Variants in GFI1 observed in about 807,000 individuals in gnomAD.
GFI1 encodes the protein zinc finger protein Gfi-1.
In GFI1, 15 loss-of-function variants were observed where a neutral mutation model predicts 39.2. The observed-to-expected ratio is 0.38, with a 90% CI of 0.26 to 0.59. GFI1 has a LOEUF of 0.59. Among genes scored for constraint, GFI1 ranks in the 20% least tolerant of loss-of-function variants. The probability of loss-of-function intolerance (pLI) is 0.62; values close to 1 mark genes in which losing one functional copy is unlikely to be tolerated. For missense variants in GFI1, 475 were observed against 574.0 expected (o/e 0.83, Z 1.76); for synonymous variants, 239 against 254.3 (o/e 0.94, Z 0.57).
intron 5 of GFI1, 126 bp from the exon 6 acceptor site, chr1:92,478,879 C>CT (rs1557667946): frequency 7.7e-7 from 1 of 1,305,402 alleles, no homozygotes; most frequent in Non-Finnish European, 1.1e-6. Context: ...CTTTTTCTTT[C>CT]TTTTTTTGAG....
chr1:92,476,342 C>T (rs940846033), intron 6 of GFI1, 135 bp from the exon 7 acceptor site: 15 of 783,070 alleles, frequency 1.9e-5, no homozygotes, highest in African/African-American at 1.2e-4. Flanking sequence ...TGGAGGGTGA[C>T]GTGTTGCAAC....
rs41296173 is a variant in GFI1 at position 92,475,319 on chromosome 1, C to T, written c.*710G>A. 3 of 152,734 alleles carry T rather than the reference C, an allele frequency of 2.0e-5. No homozygotes were observed. The highest frequency in any genetic ancestry group is 4.4e-5 in the Non-Finnish European group (3 of 68,394). 9.5% of individuals were successfully genotyped at this position (152,734 alleles called of 1,614,324 possible). On this transcript the variant is annotated 3_prime_UTR_variant, in exon 7 of 7. Transcript: ENST00000294702. Reference sequence around the variant, plus strand: ...CTTTTACCTCCAGTGATGAGGTTTTCACAGCCCTACTGAAGGGAGGACCTC... The same window carrying T: ...CTTTTACCTCCAGTGATGAGGTTTTTACAGCCCTACTGAAGGGAGGACCTC...
chr1:92,486,082 C>G (rs1003237787), intron 1 of GFI1: 9 of 152,076 alleles, frequency 5.9e-5, no homozygotes, highest in Non-Finnish European at 1.0e-4. Context: ...CGGGAGAGAC[C>G]GCTCTATCTC....
At position 92,475,590 on chromosome 1, in the gene GFI1, T is replaced by C. The variant is rs1249231015; in HGVS notation, c.*439A>G. On this transcript the variant is annotated 3_prime_UTR_variant, in exon 7 of 7. Transcript: ENST00000294702. ...CTTTCTAGATAAAAATATTAGCATT[T>C]GTCCACCTTGTAAATGGTGATTCCT... 4.8e-6 allele frequency: 1 copy of C among 209,686 alleles called. No homozygotes were observed. Among genetic ancestry groups the C allele is most frequent in the Non-Finnish European group, 9.8e-6 (1 of 101,630 alleles). The allele number at this position is 209,686 out of a possible 1,614,324, so 13.0% of individuals were successfully genotyped here.
Position 92,481,852 on chromosome 1 carries a change from T to C in GFI1, c.299-764A>G, listed in dbSNP as rs1284310555. 2.0e-5 allele frequency among the ~76,000 whole-genome samples: 3 copies of C among 151,930 alleles called. No individual in the cohort carries two copies. The highest frequency in any genetic ancestry group is 4.4e-5 in the Non-Finnish European group (3 of 67,966). Reference sequence around the variant, plus strand: ...CACCTGCAAGGAGACAGCTCTGAATTCTCGGCCTGCTACGCCCCCACCCAC... The same window carrying C: ...CACCTGCAAGGAGACAGCTCTGAATCCTCGGCCTGCTACGCCCCCACCCAC... On this transcript the variant is annotated intron_variant, in intron 3 of 6. Coordinates refer to ENST00000294702, the MANE Select transcript of GFI1 (RefSeq NM_005263.5). This position sits in a 1 kb window ranked among gnomAD's most constrained non-coding sequence, Gnocchi z 4.3.
At position 92,480,312 on chromosome 1, in the gene GFI1, A is replaced by C. The variant is rs1329070704; in HGVS notation, c.924+36T>G. ...ACCGAGGAGATGCAGAAGATCCCCGAGCAGGGCCGCGCGCGGCGGTGCGCC... is the reference window on the plus strand; with the variant it reads ...ACCGAGGAGATGCAGAAGATCCCCGCGCAGGGCCGCGCGCGGCGGTGCGCC... On this transcript the variant is annotated intron_variant, in intron 5 of 6. Transcript: ENST00000294702. The surrounding 1 kb of genome is among the most constrained non-coding windows in gnomAD (Gnocchi z 5.6). The C allele has an allele frequency of 6.5e-7, 1 of 1,540,558 alleles. No homozygotes were observed. Among genetic ancestry groups the C allele is most frequent in the African/African-American group, 1.4e-5 (1 of 72,914 alleles).
Position 92,478,848 on chromosome 1 carries a change from G to A in GFI1, c.925-95C>T, listed in dbSNP as rs1658092461. On this transcript the variant is annotated intron_variant, in intron 5 of 6. Coordinates refer to ENST00000294702, the MANE Select transcript of GFI1 (RefSeq NM_005263.5). ...CTGCTGCTCTCCTCACCCCTCAGCT[G>A]ACCCTAAAATCCCTTGAACACTTTT... 5 of 1,521,426 alleles carry A rather than the reference G, an allele frequency of 3.3e-6. No homozygotes were observed. The Admixed American group carries it at 9.3e-5, about 28-fold the overall frequency. The allele number at this position is 1,521,426 out of a possible 1,614,324, so 94.2% of individuals were successfully genotyped here. A position where few individuals can be genotyped will look rare whatever the true frequency, so the allele number is the denominator to read the frequency against.
rs779880700 is a variant in GFI1, at chr1:92,476,223, G to A, written c.1091-16C>T. The A allele has an allele frequency of 2.5e-6, 4 of 1,605,914 alleles. No homozygotes were observed. In the African/African-American group the frequency reaches 4.0e-5, roughly 16 times the overall value. On this transcript the variant is annotated splice_polypyrimidine_tract_variant and intron_variant, in intron 6 of 6. Coordinates refer to ENST00000294702, the MANE Select transcript of GFI1 (RefSeq NM_005263.5). ...GGCTTCTCACCTGTGGGGATGGGAGGGGGAGGGGAGAAAGTATGAGTCTAT... is the reference window on the plus strand; with the variant it reads ...GGCTTCTCACCTGTGGGGATGGGAGAGGGAGGGGAGAAAGTATGAGTCTAT...
chr1:92,479,649 C>T (rs1034217755), intron 5 of GFI1, among the ~76,000 whole-genome samples: 2 of 152,086 alleles, frequency 1.3e-5, no homozygotes, highest in African/African-American at 2.4e-5. Context: ...GCCAGGAGTT[C>T]GTGACCAGCC....
chr1:92,478,559 C>T (rs775825511), intron 6 of GFI1, 29 bp downstream of exon 6: 2 of 1,606,536 alleles, frequency 1.2e-6, no homozygotes, highest in South Asian at 1.1e-5. Flanking sequence ...CAGGGTGTTT[C>T]CTACAAGCCA....
rs963070506 is a variant in GFI1 at position 92,481,513 on chromosome 1, G to GCC, written c.299-427_299-426dup. Among the ~76,000 whole-genome samples, 2 of 152,242 alleles carry GCC rather than the reference G, an allele frequency of 1.3e-5. No homozygotes were observed. The highest frequency in any genetic ancestry group is 2.9e-5 in the Non-Finnish European group (2 of 68,048). On this transcript the variant is annotated intron_variant, in intron 3 of 6. Transcript: ENST00000294702. The surrounding 1 kb of genome is among the most constrained non-coding windows in gnomAD (Gnocchi z 4.3). ...CAGCACTCAAGGGCGGAAGGGTCCAGCCACCAGCGCAGGCACTCTCCCAGC... is the reference window on the plus strand; with the variant it reads ...CAGCACTCAAGGGCGGAAGGGTCCAGCCCCACCAGCGCAGGCACTCTCCCAGC...
At position 92,482,895 on chromosome 1, in the gene GFI1, G is replaced by T. The variant is rs1211223318; in HGVS notation, c.267C>A (p.Phe89Leu). 1.2e-6 allele frequency: 2 copies of T among 1,614,026 alleles called. No individual in the cohort carries two copies. Among genetic ancestry groups the T allele is most frequent in the African/African-American group, 1.3e-5 (1 of 74,954 alleles). ...ACGCGGAGGGTGACGGGGGCCTCCA[G>T]AAGTCCTCAAACTCCGAGCTCCGTT... ...VCERSSEFED[F>L]WRPPSPSASP... Residue 89 changes from phenylalanine (F) to leucine (L), a missense_variant, in exon 3 of 7, where the codon TTC becomes TTA. Coordinates refer to ENST00000294702, the MANE Select transcript of GFI1 (RefSeq NM_005263.5). This position sits in a 1 kb window ranked among gnomAD's most constrained non-coding sequence, Gnocchi z 4.4.
chr1:92,482,758 C>T lies in GFI1; in HGVS notation c.298+106G>A. The stretch of plus-strand genomic sequence containing the variant: ...TCAGCTCCCTTCTCCCGGAAAGACT[C>T]TCCAACTCCCCGTTAGCATTTCTAC... On this transcript the variant is annotated intron_variant, in intron 3 of 6. Transcript: ENST00000294702. This position sits in a 1 kb window ranked among gnomAD's most constrained non-coding sequence, Gnocchi z 4.4. 2.3e-6 allele frequency: 2 copies of T among 886,212 alleles called. No individual in the cohort carries two copies. The highest frequency in any genetic ancestry group is 1.4e-5 in the South Asian group (1 of 72,264). 54.9% of individuals were successfully genotyped at this position (886,212 alleles called of 1,614,324 possible).
Position 92,474,551 on chromosome 1 carries a change from T to C in GFI1, c.*1478A>G, listed in dbSNP as rs1238907861. Among the ~76,000 whole-genome samples, 2 of 152,204 alleles carry C rather than the reference T, an allele frequency of 1.3e-5. No homozygotes were observed. The highest frequency in any genetic ancestry group is 2.9e-5 in the Non-Finnish European group (2 of 68,030). On this transcript the variant is annotated 3_prime_UTR_variant, in exon 7 of 7. Coordinates refer to ENST00000294702, the MANE Select transcript of GFI1 (RefSeq NM_005263.5). ...TTTGTACACCTCCTAGTTTTTCTCT[T>C]ATGAAAGAAGATGAAAGAAGTATCT... is the stretch of plus-strand genomic sequence containing the variant.
At chr1:92,483,294 C>G (rs1360947710) in intron 2 of GFI1, 79 bp downstream of exon 2, 4 of 842,478 alleles carry the variant, frequency 4.7e-6, no homozygotes, top group East Asian at 5.2e-5. Context: ...CAGCCCCTCC[C>G]AGCTCCGGAC....
At chr1:92,486,017 C>T (rs1033100974) in intron 1 of GFI1, 1 of 152,402 alleles carries the variant, frequency 6.6e-6, no homozygotes. Flanking sequence ...GACCTACCTG[C>T]GGAGTCACGG....
intron 1 of GFI1, among the ~76,000 whole-genome samples, chr1:92,486,278 G>A (rs1229700377): frequency 1.3e-5 from 2 of 152,118 alleles, no homozygotes; most frequent in Non-Finnish European, 2.9e-5. Context: ...TTTCCAGCCC[G>A]TCCCGCGCGC....
chr1:92,482,975 C>T lies in GFI1; in HGVS notation c.187G>A (p.Glu63Lys), dbSNP rs527842565. The change falls in exon 3 of 7, where the codon GAA (glutamate) becomes AAA (lysine). Residue 63 changes from glutamate (E) to lysine (K), a missense_variant. Glu to Lys is a moderately conservative substitution (Grantham distance 56, BLOSUM62 1). Around this residue, in one of 4 missense-constraint regions of GFI1, gnomAD observed 275 missense variants for 275.8 expected, o/e 1.00. Coordinates refer to ENST00000294702, the MANE Select transcript of GFI1 (RefSeq NM_005263.5). The surrounding 1 kb of genome is among the most constrained non-coding windows in gnomAD (Gnocchi z 4.4). ...GATGCGGAGGCTCTGTCTGGGGCTT[C>T]GGTCAGCTGCGATTCGGGGGACAAA... Reference protein sequence around the residue: ...DRLSPESQLTEAPDRASASPD... With the variant: ...DRLSPESQLTKAPDRASASPD... 2.5e-5 allele frequency: 40 copies of T among 1,611,968 alleles called. No individual in the cohort carries two copies. Among genetic ancestry groups the T allele is most frequent in the African/African-American group, 1.5e-4 (11 of 75,016 alleles).
chr1:92,476,653 T>A (rs1657994031), intron 6 of GFI1, among the ~76,000 whole-genome samples: 1 of 152,198 alleles, frequency 6.6e-6, no homozygotes, highest in Non-Finnish European at 1.5e-5. Flanking sequence ...AATTTCCAAG[T>A]GGGTGTTAGT....
Sources: gnomAD v4.1 joint callset for allele counts (sites outside exome capture counted in the v4.1 genomes callset) on GRCh38, gnomAD v4.1.1 for gene constraint, gnomAD v4.1.1 regional missense constraint, Gnocchi (gnomAD v3.1) non-coding constraint, MANE v1.5 for transcripts, NCBI Gene and HGNC (gene_info 2026-07-23, HGNC 2026-07-21) for gene names.